The following GRM7 variants were observed in gnomAD, a reference collection of about 807,000 sequenced individuals.
GRM7 encodes metabotropic glutamate receptor 7.
In GRM7, 35 loss-of-function variants were observed where a neutral mutation model predicts 84.5. The ratio of observed to expected loss-of-function variants is 0.41; its 90% CI spans 0.32 to 0.55. The LOEUF is 0.55. Ranked by LOEUF, GRM7 falls within the 20% of genes least tolerant of loss-of-function variation. The pLI, the probability that GRM7 is intolerant of heterozygous loss-of-function variation, is 0.19. For missense variants in GRM7, 1,003 were observed against 1,194.6 expected, an observed-to-expected ratio of 0.84 and a Z score of 2.36; for synonymous variants, 487 against 455.1, an observed-to-expected ratio of 1.07 and a Z score of -0.89.
chr3:7,218,354 C>A (rs1336443635), intron 2 of GRM7, among the ~76,000 whole-genome samples: 1 of 151,946 alleles, frequency 6.6e-6, no homozygotes, highest in Non-Finnish European at 1.5e-5. Context: ...ACCTTTATTT[C>A]TAGTAAAATT....
chr3:6,906,336 G>A (rs1375956994), intron 1 of GRM7, among the ~76,000 whole-genome samples: 1 of 152,094 alleles, frequency 6.6e-6, no homozygotes, highest in East Asian at 1.9e-4. Context: ...TGCTGAAGTG[G>A]GTGGCCCAGG....
At chr3:6,916,729 C>T (rs1363612962) in intron 1 of GRM7, among the ~76,000 whole-genome samples, 1 of 152,052 alleles carries the variant, frequency 6.6e-6, no homozygotes, top group Non-Finnish European at 1.5e-5. Context: ...ACTGGTGATT[C>T]GATTTCGACA....
chr3:7,470,710 A>G (rs1408174397), intron 7 of GRM7, among the ~76,000 whole-genome samples: 1 of 152,208 alleles, frequency 6.6e-6, no homozygotes, highest in Non-Finnish European at 1.5e-5. Flanking sequence ...GGGCTCAGGC[A>G]AAATATATAT....
chr3:6,997,232 G>A (rs1013479254), intron 1 of GRM7, among the ~76,000 whole-genome samples: 2 of 151,912 alleles, frequency 1.3e-5, no homozygotes, highest in African/African-American at 4.8e-5. Context: ...CATTACAGAG[G>A]CGACTTTTCT....
intron 1 of GRM7, among the ~76,000 whole-genome samples, chr3:6,957,298 G>A (rs1032344018): frequency 6.6e-6 from 1 of 152,180 alleles, no homozygotes; most frequent in African/African-American, 2.4e-5. Context: ...TGATTAAGGT[G>A]TCTCACTTGT....
chr3:7,493,008 C>A (rs1699577664), intron 7 of GRM7, among the ~76,000 whole-genome samples: 1 of 151,742 alleles, frequency 6.6e-6, no homozygotes, highest in African/African-American at 2.4e-5. Context: ...ACTGATTTTT[C>A]TGTTTGATTT....
At chr3:7,306,413 C>T (rs1195805726) in intron 3 of GRM7, 85 bp from the exon 4 acceptor site, 2 of 1,149,856 alleles carry the variant, frequency 1.7e-6, no homozygotes, top group East Asian at 4.8e-5. Flanking sequence ...AAGAATAGTA[C>T]CTTTCCTTTT....
Position 7,342,539 on chromosome 3 carries a change from A to G in GRM7, c.1033+35887A>G, listed in dbSNP as rs371078539. ...TATTTTTTATCTCCAGAGTACACCG[A>G]GGGAAGAACCTATCCTGTTCAAGTC... On this transcript the variant is annotated intron_variant, in intron 4 of 9. Transcript: ENST00000357716. 3.0e-4 allele frequency among the ~76,000 whole-genome samples: 46 copies of G among 152,298 alleles called. No individual in the cohort carries two copies. The South Asian group carries it at 9.3e-3, about 31-fold the overall frequency.
chr3:7,011,005 A>G (rs1233920712), intron 1 of GRM7, among the ~76,000 whole-genome samples: 2 of 152,208 alleles, frequency 1.3e-5, no homozygotes, highest in African/African-American at 2.4e-5. Context: ...GAAACAGTGC[A>G]GTGGATCCAG....
At chr3:6,997,642 G>A (rs977242306) in intron 1 of GRM7, among the ~76,000 whole-genome samples, 4 of 152,106 alleles carry the variant, frequency 2.6e-5, no homozygotes, top group African/African-American at 9.7e-5. Context: ...TGAGAGGTGG[G>A]TGGGGACACC....
At chr3:7,554,220 T>C (rs981958193) in intron 7 of GRM7, among the ~76,000 whole-genome samples, 2 of 152,250 alleles carry the variant, frequency 1.3e-5, no homozygotes, top group African/African-American at 4.8e-5. Flanking sequence ...AGAATATGCT[T>C]GTAGATGCTG....
At chr3:7,116,548 A>G (rs1414928276) in intron 1 of GRM7, among the ~76,000 whole-genome samples, 1 of 152,092 alleles carries the variant, frequency 6.6e-6, no homozygotes, top group Non-Finnish European at 1.5e-5. Flanking sequence ...TAAAAAGTGT[A>G]CTGTTATTAT....
At chr3:7,144,544 G>A (rs1694048719) in intron 1 of GRM7, among the ~76,000 whole-genome samples, 1 of 152,140 alleles carries the variant, frequency 6.6e-6, no homozygotes, top group African/African-American at 2.4e-5. Flanking sequence ...GTGGGGAATC[G>A]ATAACTTTAG....
intron 1 of GRM7, among the ~76,000 whole-genome samples, chr3:6,947,235 C>G (rs571168974): frequency 6.6e-6 from 1 of 152,246 alleles, no homozygotes; most frequent in East Asian, 1.9e-4. Context: ...CCATCAATAC[C>G]TAATTTATTG....
intron 4 of GRM7, among the ~76,000 whole-genome samples, chr3:7,411,262 G>A (rs961703399): frequency 3.9e-5 from 6 of 152,134 alleles, no homozygotes; most frequent in Non-Finnish European, 5.9e-5. Flanking sequence ...CACAAGTTTA[G>A]GGGGTTAGGA....
intron 6 of GRM7, among the ~76,000 whole-genome samples, chr3:7,458,624 C>A (rs910141139): frequency 6.6e-6 from 1 of 152,140 alleles, no homozygotes; most frequent in Non-Finnish European, 1.5e-5. Context: ...AAGACCGTTT[C>A]TTCTAACTAA....
In GRM7 at chr3:7,368,428, C is replaced by T. The variant is rs1469760510; in HGVS notation, c.1034-46595C>T. 4.0e-5 allele frequency among the ~76,000 whole-genome samples: 6 copies of T among 151,842 alleles called. No homozygotes were observed. In the East Asian group the frequency reaches 5.8e-4, roughly 15 times the overall value. ...AAATTCTTAGAGATTATGCCTTAGG[C>T]GATAGGTAAAATGAGACTCACATAA... On this transcript the variant is annotated intron_variant, in intron 4 of 9. Coordinates refer to ENST00000357716, the MANE Select transcript of GRM7 (RefSeq NM_000844.4).
At chr3:7,645,935 G>A (rs1414183971) in intron 8 of GRM7, among the ~76,000 whole-genome samples, 3 of 151,072 alleles carry the variant, frequency 2.0e-5, no homozygotes, top group Non-Finnish European at 4.4e-5. Flanking sequence ...TACTTGGGGA[G>A]CGTCTGTTTG....
intron 3 of GRM7, among the ~76,000 whole-genome samples, chr3:7,301,511 A>G (rs1463083693): frequency 6.6e-6 from 1 of 152,204 alleles, no homozygotes; most frequent in Non-Finnish European, 1.5e-5. Flanking sequence ...TTTTAAATAG[A>G]TTGCACAAGG....
Sources: allele counts gnomAD v4.1 joint callset (sites outside exome capture counted in the v4.1 genomes callset), GRCh38; gene constraint gnomAD v4.1.1; transcripts MANE v1.5; gene names NCBI Gene and HGNC (gene_info 2026-07-23, HGNC 2026-07-21).